TSNARE1: variants seen among roughly 807,000 people sequenced by gnomAD.
TSNARE1 encodes the protein t-SNARE domain containing 1.
A neutral mutation model predicts 62.0 loss-of-function variants in TSNARE1; 49 were observed. The observed-to-expected ratio is 0.79, with a 90% CI of 0.63 to 1.00. The LOEUF (loss-of-function observed/expected upper bound fraction) is 1.00, where lower values mean the gene tolerates loss of function less well. Among genes scored for constraint, TSNARE1 ranks in the 50% least tolerant of loss-of-function variants. TSNARE1 has a pLI of 0.00. For synonymous variants in TSNARE1, 328 were observed against 294.4 expected, an observed-to-expected ratio of 1.11 and a Z score of -1.17; for missense variants, 755 against 700.1, an observed-to-expected ratio of 1.08 and a Z score of -0.88.
chr8:142,387,758 C>A (rs1002558629), intron 1 of TSNARE1, among the ~76,000 whole-genome samples: 13 of 152,124 alleles, frequency 8.5e-5, no homozygotes, highest in Non-Finnish European at 1.8e-4. Context: ...AAAGAACTTT[C>A]ATCCTCAAAA....
intron 6 of TSNARE1, among the ~76,000 whole-genome samples, chr8:142,325,457 G>A (rs1353102500): frequency 1.3e-5 from 2 of 152,222 alleles, no homozygotes; most frequent in African/African-American, 4.8e-5. Context: ...GACAGTGCAG[G>A]AGCCCAGGGG....
chr8:142,235,189 C>T (rs1817344383), intron 12 of TSNARE1, among the ~76,000 whole-genome samples: 1 of 151,160 alleles, frequency 6.6e-6, no homozygotes, highest in South Asian at 2.1e-4. Context: ...ACGTGACTCA[C>T]CCAGGATACC....
intron 1 of TSNARE1, among the ~76,000 whole-genome samples, chr8:142,356,916 A>C (rs561873968): frequency 6.6e-6 from 1 of 152,196 alleles, no homozygotes; most frequent in Non-Finnish European, 1.5e-5. Flanking sequence ...GGCTGTGTTA[A>C]CAGCCCCAGG....
chr8:142,213,878 G>C (rs912181549), intron 13 of TSNARE1, among the ~76,000 whole-genome samples: 1 of 152,090 alleles, frequency 6.6e-6, no homozygotes, highest in African/African-American at 2.4e-5. Context: ...CCCCATCAGA[G>C]CCCAGCCCCC....
At chr8:142,273,243 T>C in intron 12 of TSNARE1, 2 of 985,430 alleles carry the variant, frequency 2.0e-6, no homozygotes, top group Non-Finnish European at 2.4e-6. Context: ...GTCCCAGGCA[T>C]CAGCGCTGCT....
At chr8:142,333,694 C>T (rs749538761) in intron 4 of TSNARE1, among the ~76,000 whole-genome samples, 2 of 152,312 alleles carry the variant, frequency 1.3e-5, no homozygotes, top group East Asian at 1.9e-4. Context: ...GGCCTGTCCA[C>T]GTATGCTCTG....
At chr8:142,222,554 A>AG in intron 13 of TSNARE1, among the ~76,000 whole-genome samples, 1 of 142,502 alleles carries the variant, frequency 7.0e-6, no homozygotes, top group Non-Finnish European at 1.5e-5. Context: ...TCACTCACTC[A>AG]CTCACTCATT....
chr8:142,241,209 G>A (rs1004012399), intron 12 of TSNARE1, among the ~76,000 whole-genome samples: 2 of 152,060 alleles, frequency 1.3e-5, no homozygotes, highest in African/African-American at 2.4e-5. Flanking sequence ...AATCAGTCAC[G>A]TTTCTATACA....
intron 1 of TSNARE1, among the ~76,000 whole-genome samples, chr8:142,375,822 C>G (rs1479918364): frequency 6.6e-6 from 1 of 152,234 alleles, no homozygotes; most frequent in African/African-American, 2.4e-5. Flanking sequence ...CCAGGCCTGG[C>G]TGGCTCCCAT....
intron 12 of TSNARE1, among the ~76,000 whole-genome samples, chr8:142,230,349 G>C (rs992782878): frequency 2.6e-5 from 4 of 152,198 alleles, no homozygotes; most frequent in African/African-American, 7.2e-5. Flanking sequence ...ACAGGGAATG[G>C]GAAGGGAGAC....
intron 1 of TSNARE1, among the ~76,000 whole-genome samples, chr8:142,386,709 A>G (rs1837135198): frequency 6.6e-6 from 1 of 152,262 alleles, no homozygotes; most frequent in South Asian, 2.1e-4. Flanking sequence ...TTATAGTCAG[A>G]CAAGTAGAAA....
intron 12 of TSNARE1, among the ~76,000 whole-genome samples, chr8:142,268,595 T>G (rs1223459609): frequency 6.6e-6 from 1 of 152,134 alleles, no homozygotes; most frequent in Non-Finnish European, 1.5e-5. Flanking sequence ...CCTTCCGTCT[T>G]AGTAACAAAA....
chr8:142,317,607 C>T (rs1828783350), intron 7 of TSNARE1, among the ~76,000 whole-genome samples: 1 of 152,216 alleles, frequency 6.6e-6, no homozygotes, highest in African/African-American at 2.4e-5. Context: ...ACCCTCCAAT[C>T]TTCAGCAACT....
intron 9 of TSNARE1, among the ~76,000 whole-genome samples, chr8:142,312,924 C>T (rs1413768397): frequency 1.3e-5 from 2 of 152,216 alleles, no homozygotes; most frequent in African/African-American, 4.8e-5. Context: ...TCTGGGAATG[C>T]GTGCCTCTCT....
At chr8:142,369,047 C>A (rs1370850171) in intron 1 of TSNARE1, among the ~76,000 whole-genome samples, 1 of 152,186 alleles carries the variant, frequency 6.6e-6, no homozygotes, top group Non-Finnish European at 1.5e-5. Flanking sequence ...ACCAGGCCTG[C>A]CTGAGACTGA....
At chr8:142,313,420 G>A (rs1458948060) in intron 9 of TSNARE1, among the ~76,000 whole-genome samples, 1 of 147,390 alleles carries the variant, frequency 6.8e-6, no homozygotes, top group Non-Finnish European at 1.5e-5. Flanking sequence ...GTGTCTGTGT[G>A]TTTATCTGCA....
At chr8:142,365,390 G>A (rs1365473737) in intron 1 of TSNARE1, among the ~76,000 whole-genome samples, 6 of 152,148 alleles carry the variant, frequency 3.9e-5, no homozygotes, top group African/African-American at 9.7e-5. Context: ...TAAAAAGGAC[G>A]TTTTGCTAAA....
intron 1 of TSNARE1, among the ~76,000 whole-genome samples, chr8:142,390,131 A>G (rs1837384590): frequency 6.6e-6 from 1 of 152,286 alleles, no homozygotes; most frequent in Admixed American, 6.5e-5. Flanking sequence ...TGTATAGGGC[A>G]CTTACCATGA....
In TSNARE1 at chr8:142,332,641, G is replaced by A. The variant is rs370131948; in HGVS notation, c.746-810C>T. ...TGAGGACATGGTGGATGGAACGCTC[G>A]CCCGCTGCATGGTGAGGATAAACGG... is the stretch of plus-strand genomic sequence containing the variant. On this transcript the variant is annotated intron_variant, in intron 4 of 13. Coordinates refer to ENST00000524325, the MANE Select transcript of TSNARE1 (RefSeq NM_145003.5). Among the ~76,000 whole-genome samples the A allele has an allele frequency of 4.7e-4, 71 of 152,258 alleles. No homozygotes were observed. In the South Asian group the frequency reaches 0.011, roughly 23 times the overall value.
Sources: gnomAD v4.1 joint callset for allele counts (sites outside exome capture counted in the v4.1 genomes callset) on GRCh38, gnomAD v4.1.1 for gene constraint, MANE v1.5 for transcripts, NCBI Gene and HGNC (gene_info 2026-07-23, HGNC 2026-07-21) for gene names.